SAMM50: variants seen among roughly 807,000 people sequenced by gnomAD.
The protein encoded by SAMM50 is sorting and assembly machinery component 50 homolog.
Under a neutral mutation model 66.9 loss-of-function variants are expected in SAMM50, and 47 were observed. That is an observed-to-expected ratio of 0.70 (90% CI 0.56 to 0.90). SAMM50 has a LOEUF of 0.90. Ranked by LOEUF, SAMM50 falls within the 40% of genes least tolerant of loss-of-function variation. SAMM50 has a pLI of 0.00. For missense variants in SAMM50, 535 were observed against 595.3 expected (o/e 0.90, Z 1.05); for synonymous variants, 191 against 214.1 (o/e 0.89, Z 0.94).
chr22:43,971,048 A>T (rs2050201069), intron 4 of SAMM50, among the ~76,000 whole-genome samples: 4 of 151,996 alleles, frequency 2.6e-5, no homozygotes, highest in Admixed American at 2.6e-4. Context: ...GGTGCCTGTC[A>T]TCCCAGCTAC....
At chr22:43,968,889 G>A (rs975098721) in intron 4 of SAMM50, 71 bp downstream of exon 4, 2 of 1,057,018 alleles carry the variant, frequency 1.9e-6, no homozygotes, top group Non-Finnish European at 2.9e-6. Context: ...TTTATGGCCA[G>A]ATGCAGATCT....
intron 12 of SAMM50, among the ~76,000 whole-genome samples, chr22:43,985,147 T>A (rs528654951): frequency 6.6e-6 from 1 of 152,140 alleles, no homozygotes; most frequent in South Asian, 2.1e-4. Flanking sequence ...ATAGCTTCCT[T>A]ATTATTAGCA....
In SAMM50 at chr22:43,962,881, ATTTTTTTTTTTTTTT is replaced by A. The variant is rs58022542; in HGVS notation, c.22-386_22-372del. On this transcript the variant is annotated intron_variant, in intron 1 of 14. Transcript: ENST00000350028. ...GATTTGTGCGTGACCCTTTTGGTTA[ATTTTTTTTTTTTTTT>A]TTTTTTTTTTTTTTTTTTAGAGATG... 8.6e-3 allele frequency among the ~76,000 whole-genome samples: 562 copies of A among 65,578 alleles called. 13 individuals are homozygous for A. Among genetic ancestry groups the A allele is most frequent in the African/African-American group, 0.036 (508 of 14,232 alleles). 43.0% of individuals were successfully genotyped at this position (65,578 alleles called of 152,430 possible). A position where few individuals can be genotyped will look rare whatever the true frequency, so the allele number is the denominator to read the frequency against.
At chr22:43,996,271 C>T (rs767283777) in intron 14 of SAMM50, 67 bp from the exon 15 acceptor site, 11 of 1,545,392 alleles carry the variant, frequency 7.1e-6, no homozygotes, top group Non-Finnish European at 8.9e-6. Flanking sequence ...GGCGCATGCT[C>T]AGTGAGTCGT....
intron 14 of SAMM50, among the ~76,000 whole-genome samples, chr22:43,991,862 A>G (rs1378897810): frequency 2.6e-5 from 4 of 152,042 alleles, no homozygotes; most frequent in Non-Finnish European, 5.9e-5. Context: ...CCCTAATTCC[A>G]TCACGAGGGC....
In SAMM50 at chr22:43,982,418, T is replaced by A. The variant is rs193035376; in HGVS notation, c.1007+957T>A. Among the ~76,000 whole-genome samples the A allele has an allele frequency of 2.6e-5, 4 of 152,320 alleles. No homozygotes were observed. The East Asian group carries it at 7.7e-4, about 29-fold the overall frequency. On this transcript the variant is annotated intron_variant, in intron 11 of 14. Transcript: ENST00000350028. ...TTATTAAAAATAAGGAGATATGTGT[T>A]CATAAGTTAACATTTTGCACATGAA...
chr22:43,971,663 C>T (rs941927527), intron 4 of SAMM50, among the ~76,000 whole-genome samples: 1 of 151,996 alleles, frequency 6.6e-6, no homozygotes, highest in African/African-American at 2.4e-5. Context: ...AATAATGCTG[C>T]TTATAGTTAT....
chr22:43,991,265 C>T (rs1400106935), intron 14 of SAMM50, among the ~76,000 whole-genome samples: 1 of 151,398 alleles, frequency 6.6e-6, no homozygotes, highest in Admixed American at 6.6e-5. Context: ...CATGAGCCAC[C>T]ACGCCCGGCA....
rs530643436 is a variant in SAMM50 at position 43,983,303 on chromosome 22, C to T, written c.1008-630C>T. 8.2e-4 allele frequency among the ~76,000 whole-genome samples: 125 copies of T among 152,182 alleles called. No individual in the cohort carries two copies. The highest frequency in any genetic ancestry group is 1.9e-3 in the South Asian group (9 of 4,806). ...TTTAGTAATTATCATAATCTAAAAT[C>T]GGGTTCTAATATGCTGTTCAATTTT... On this transcript the variant is annotated intron_variant, in intron 11 of 14. Transcript: ENST00000350028. This position sits in a 1 kb window ranked among gnomAD's most constrained non-coding sequence, Gnocchi z 4.2.
chr22:43,980,882 C>T (rs932264648), intron 10 of SAMM50, among the ~76,000 whole-genome samples: 7 of 152,358 alleles, frequency 4.6e-5, no homozygotes, highest in African/African-American at 1.7e-4. Flanking sequence ...TGGCTACTGC[C>T]TCCTGCCCTG....
intron 4 of SAMM50, among the ~76,000 whole-genome samples, chr22:43,969,745 C>T (rs1347131957): frequency 6.6e-6 from 1 of 152,096 alleles, no homozygotes; most frequent in Non-Finnish European, 1.5e-5. Flanking sequence ...CTTATCAGGC[C>T]CACGCCAGGG....
At chr22:43,973,068 G>A in intron 6 of SAMM50, 67 bp downstream of exon 6, 2 of 1,552,058 alleles carry the variant, frequency 1.3e-6, no homozygotes. Context: ...TGGCTTATTT[G>A]TGAAAAGAAC....
At chr22:43,996,023 T>G (rs1213459806) in intron 14 of SAMM50, among the ~76,000 whole-genome samples, 1 of 152,188 alleles carries the variant, frequency 6.6e-6, no homozygotes, top group Non-Finnish European at 1.5e-5. Context: ...GCTCCGCCTC[T>G]CATCGGCCCT....
Position 43,968,915 on chromosome 22 carries a change from G to A in SAMM50, c.322+97G>A, listed in dbSNP as rs1055332442. ...ATGCAGATCTGGGCAGCAGAGCACTGCTCCCTGCTGTGTAGAACCTGAAAG... is the reference window on the plus strand; with the variant it reads ...ATGCAGATCTGGGCAGCAGAGCACTACTCCCTGCTGTGTAGAACCTGAAAG... On this transcript the variant is annotated intron_variant, in intron 4 of 14. Coordinates refer to ENST00000350028, the MANE Select transcript of SAMM50 (RefSeq NM_015380.5). 1.1e-4 allele frequency: 80 copies of A among 753,676 alleles called. No individual in the cohort carries two copies. The East Asian group carries it at 1.9e-3, about 18-fold the overall frequency. 46.7% of individuals were successfully genotyped at this position (753,676 alleles called of 1,614,324 possible).
chr22:43,956,934 T>G, intron 1 of SAMM50: 1 of 520,922 alleles, frequency 1.9e-6, no homozygotes, highest in Non-Finnish European at 3.4e-6. Flanking sequence ...TGACTTTTGG[T>G]TACTAGCAAG....
At chr22:43,980,392 G>T (rs1253847671) in intron 10 of SAMM50, among the ~76,000 whole-genome samples, 1 of 151,136 alleles carries the variant, frequency 6.6e-6, no homozygotes, top group Non-Finnish European at 1.5e-5. Flanking sequence ...GGGGTAGAAA[G>T]TGACCAGAAG....
chr22:43,962,269 A>C (rs2050150611), intron 1 of SAMM50, among the ~76,000 whole-genome samples: 1 of 152,212 alleles, frequency 6.6e-6, no homozygotes, highest in South Asian at 2.1e-4. Context: ...TGAAAATCAG[A>C]ATGGCTGTGT....
intron 5 of SAMM50, 80 bp from the exon 6 acceptor site, chr22:43,972,791 G>A: frequency 7.7e-7 from 1 of 1,305,410 alleles, no homozygotes; most frequent in South Asian, 1.4e-5. Context: ...AAGTCCCTTA[G>A]CTAGCATAGT....
At chr22:43,969,144 A>C (rs1337806345) in intron 4 of SAMM50, among the ~76,000 whole-genome samples, 1 of 152,086 alleles carries the variant, frequency 6.6e-6, no homozygotes, top group Non-Finnish European at 1.5e-5. Flanking sequence ...GGAGTGGTGA[A>C]CTTTGAAGAT....
Sources: gnomAD v4.1 joint callset for allele counts (sites outside exome capture counted in the v4.1 genomes callset) on GRCh38, gnomAD v4.1.1 for gene constraint, Gnocchi (gnomAD v3.1) non-coding constraint, MANE v1.5 for transcripts, NCBI Gene and HGNC (gene_info 2026-07-23, HGNC 2026-07-21) for gene names.